THADA: variants seen among roughly 807,000 people sequenced by gnomAD.
THADA encodes tRNA (32-2'-O)-methyltransferase regulator THADA.
Under a neutral mutation model 219.8 loss-of-function variants are expected in THADA, and 213 were observed. The observed-to-expected ratio is 0.97, with a 90% CI of 0.87 to 1.09. The LOEUF is 1.09. Ranked by LOEUF, THADA falls within the 50% of genes least tolerant of loss-of-function variation. The pLI is 0.00. For missense variants in THADA, 2,956 were observed against 2,311.3 expected (o/e 1.28, Z -5.72); for synonymous variants, 1,018 against 828.9 (o/e 1.23, Z -3.92).
At position 43,430,371 on chromosome 2, in the gene THADA, T is replaced by A. The variant is rs35340152; in HGVS notation, c.3837-69A>T. 239,769 of 781,252 alleles carry A rather than the reference T, an allele frequency of 0.31. 40,638 individuals carry two copies. The highest frequency in any genetic ancestry group is 0.35 in the Middle Eastern group (1,440 of 4,160). 48.4% of individuals were successfully genotyped at this position (781,252 alleles called of 1,614,324 possible). A position where few individuals can be genotyped will look rare whatever the true frequency, so the allele number is the denominator to read the frequency against. ...TGATCTGACAATAAAGCCTTTTTTT[T>A]AAAAAAAGGAAGATAAGTACGGTTG... On this transcript the variant is annotated intron_variant, in intron 26 of 37. Transcript: ENST00000405975.
intron 35 of THADA, among the ~76,000 whole-genome samples, chr2:43,281,152 A>T (rs1244222935): frequency 1.3e-5 from 2 of 152,206 alleles, no homozygotes; most frequent in African/African-American, 4.8e-5. Flanking sequence ...TACATGGAGA[A>T]CCTGGTTTCA....
At chr2:43,537,072 A>G (rs953761311) in intron 21 of THADA, among the ~76,000 whole-genome samples, 1 of 152,218 alleles carries the variant, frequency 6.6e-6, no homozygotes, top group Non-Finnish European at 1.5e-5. Context: ...CACTCCAGTA[A>G]AACAGTTAAT....
intron 36 of THADA, chr2:43,233,109 CCTAA>C (rs1667633154): frequency 3.7e-6 from 2 of 541,590 alleles, no homozygotes; most frequent in Non-Finnish European, 3.3e-6. Context: ...TTCCATGCCC[CCTAA>C]CTCAGTGTGG....
Position 43,571,859 on chromosome 2 carries a change from T to C in THADA, c.1912A>G (p.Arg638Gly). Residue 638 changes from arginine (R) to glycine (G), a missense_variant, in exon 13 of 38, where the codon AGG (arginine) becomes GGG (glycine). Arg to Gly is a moderately radical substitution (Grantham distance 125). Coordinates refer to ENST00000405975, the MANE Select transcript of THADA (RefSeq NM_022065.5). Reference protein sequence around the residue: ...QGLIHQHCQVRIDTLGLLCES... With the variant: ...QGLIHQHCQVGIDTLGLLCES... ...CAAAGCAAGCCTAATGTATCTATCC[T>C]TACCTAAAAAACATCAAGCAATAAA... is the stretch of plus-strand genomic sequence containing the variant. 1 of 1,611,340 alleles carries C rather than the reference T, an allele frequency of 6.2e-7. No individual in the cohort carries two copies.
rs371918847 is a variant in THADA at position 43,574,316 on chromosome 2, C to T, written c.1729+20G>A. On this transcript the variant is annotated intron_variant, in intron 11 of 37. Transcript: ENST00000405975. The stretch of plus-strand genomic sequence containing the variant: ...GCATCATAATTAGAAACTACTAAAA[C>T]AAAAATGCATTTTTCTTACCAGTTT... 1.1e-5 allele frequency: 17 copies of T among 1,490,646 alleles called. No homozygotes were observed. The highest frequency in any genetic ancestry group is 1.3e-5 in the Non-Finnish European group (15 of 1,119,440). The allele number at this position is 1,490,646 out of a possible 1,614,324, so 92.3% of individuals were successfully genotyped here.
chr2:43,504,854 A>C (rs1689458526), intron 24 of THADA, among the ~76,000 whole-genome samples: 1 of 152,210 alleles, frequency 6.6e-6, no homozygotes, highest in Admixed American at 6.5e-5. Context: ...ACTGCACTCC[A>C]GCATGAGCAA....
intron 31 of THADA, among the ~76,000 whole-genome samples, chr2:43,300,660 CAG>C (rs1243785828): frequency 3.3e-5 from 5 of 152,118 alleles, no homozygotes. Flanking sequence ...AGAACAGACA[CAG>C]AGAGACCTTT....
chr2:43,560,862 C>G (rs1367344347), intron 15 of THADA, among the ~76,000 whole-genome samples: 1 of 151,634 alleles, frequency 6.6e-6, no homozygotes, highest in Admixed American at 6.6e-5. Flanking sequence ...ACTAAAAACA[C>G]AAAAATTAGC....
At chr2:43,472,247 T>C (rs1323951086) in intron 26 of THADA, among the ~76,000 whole-genome samples, 2 of 152,182 alleles carry the variant, frequency 1.3e-5, no homozygotes, top group Non-Finnish European at 2.9e-5. Flanking sequence ...CAGGCAAGTA[T>C]TTAAGTATGA....
At chr2:43,482,228 T>A (rs893192919) in intron 26 of THADA, among the ~76,000 whole-genome samples, 3 of 152,202 alleles carry the variant, frequency 2.0e-5, no homozygotes, top group African/African-American at 7.2e-5. Flanking sequence ...GTGAAACTTC[T>A]GTTTTCTCAT....
intron 36 of THADA, among the ~76,000 whole-genome samples, chr2:43,252,694 GTGA>G (rs1342340497): frequency 6.6e-6 from 1 of 152,164 alleles, no homozygotes; most frequent in Non-Finnish European, 1.5e-5. Context: ...CCCCAGGCCT[GTGA>G]TGATCTTCCT....
At chr2:43,578,102 C>G (rs1161083536) in intron 9 of THADA, among the ~76,000 whole-genome samples, 1 of 150,506 alleles carries the variant, frequency 6.6e-6, no homozygotes, top group Non-Finnish European at 1.5e-5. Context: ...CAGAAGGAAC[C>G]AGACAATGCA....
intron 29 of THADA, among the ~76,000 whole-genome samples, chr2:43,366,657 T>C: frequency 6.6e-6 from 1 of 152,238 alleles, no homozygotes; most frequent in East Asian, 1.9e-4. Flanking sequence ...AGGTTCCCAA[T>C]GAAGTTACCA....
chr2:43,306,387 T>C (rs762010218), intron 31 of THADA, among the ~76,000 whole-genome samples: 9 of 152,326 alleles, frequency 5.9e-5, no homozygotes, highest in Middle Eastern at 3.4e-3. Context: ...TGACCCTGTT[T>C]AATTTAAACT....
rs200479507 is a variant in THADA, at chr2:43,541,323, C to CAA, written c.3107-9_3107-8dup. ...CATGTTTTTACTTCTTTACCTTAAA[C>CAA]AAAAAAAAACACAACGATTGCAACC... On this transcript the variant is annotated splice_region_variant and splice_polypyrimidine_tract_variant and intron_variant, in intron 20 of 37. Coordinates refer to ENST00000405975, the MANE Select transcript of THADA (RefSeq NM_022065.5). 1.1e-5 allele frequency: 17 copies of CAA among 1,588,822 alleles called. No homozygotes were observed. The highest frequency in any genetic ancestry group is 1.7e-4 in the Middle Eastern group (1 of 5,954).
At chr2:43,456,372 T>C (rs2104912390) in intron 26 of THADA, among the ~76,000 whole-genome samples, 1 of 152,270 alleles carries the variant, frequency 6.6e-6, no homozygotes, top group East Asian at 1.9e-4. Flanking sequence ...TACTACATCA[T>C]GGAATAGAAT....
At chr2:43,291,640 G>C in intron 34 of THADA, 56 bp downstream of exon 34, 3 of 1,386,208 alleles carry the variant, frequency 2.2e-6, no homozygotes, top group Non-Finnish European at 2.9e-6. Flanking sequence ...GACATCTTCT[G>C]AGTAAATGAG....
At chr2:43,271,939 G>C (rs142396667) in intron 36 of THADA, among the ~76,000 whole-genome samples, 412 of 152,222 alleles carry the variant, frequency 2.7e-3, no homozygotes, top group African/African-American at 9.6e-3. Context: ...TATTCCGGTG[G>C]AGAGAAACAA....
intron 2 of THADA, 104 bp from the exon 3 acceptor site, chr2:43,592,150 A>T: frequency 2.0e-6 from 2 of 1,015,308 alleles, no homozygotes; most frequent in Non-Finnish European, 2.8e-6. Flanking sequence ...CCATAGCAAT[A>T]GGTGGAACAT....
Sources: gnomAD v4.1 joint callset for allele counts (sites outside exome capture counted in the v4.1 genomes callset) on GRCh38, gnomAD v4.1.1 for gene constraint, MANE v1.5 for transcripts, NCBI Gene and HGNC (gene_info 2026-07-23, HGNC 2026-07-21) for gene names.